The following IGSF5 variants were observed in gnomAD, a reference collection of about 807,000 sequenced individuals.
IGSF5 encodes the protein immunoglobulin superfamily member 5.
A neutral mutation model predicts 39.4 loss-of-function variants in IGSF5; 41 were observed. The ratio of observed to expected loss-of-function variants is 1.04; its 90% CI spans 0.81 to 1.35. The LOEUF (loss-of-function observed/expected upper bound fraction) is 1.35. Among genes scored for constraint, IGSF5 ranks in the 40% most tolerant of loss-of-function variants. The probability of loss-of-function intolerance (pLI) is 0.00; values close to 1 mark genes in which losing one functional copy is unlikely to be tolerated. For missense variants in IGSF5, 487 were observed against 494.6 expected, an observed-to-expected ratio of 0.98 and a Z score of 0.15; for synonymous variants, 183 against 175.3, an observed-to-expected ratio of 1.04 and a Z score of -0.34.
chr21:39,748,249 G>A (rs1398563179), intron 2 of IGSF5, among the ~76,000 whole-genome samples: 1 of 143,396 alleles, frequency 7.0e-6, no homozygotes, highest in East Asian at 2.2e-4. Flanking sequence ...CCTTTTTGCT[G>A]TGTCTTCACA....
At chr21:39,729,639 G>A in the IGSF5 span, 1 of 152,248 alleles carries the variant, frequency 6.6e-6, no homozygotes, top group African/African-American at 2.4e-5. Context: ...TACTGTGAAA[G>A]GAGGAGCATA....
intron 4 of IGSF5, 104 bp downstream of exon 4, chr21:39,771,319 G>C (rs62237180): frequency 0.26 from 285,252 of 1,077,280 alleles, 43,874 homozygotes; most frequent in Non-Finnish European, 0.31. Context: ...ATCATATGGC[G>C]ACCTTGATTT....
the IGSF5 span, among the ~76,000 whole-genome samples, chr21:39,739,469 C>T: frequency 1.3e-5 from 2 of 152,120 alleles, no homozygotes; most frequent in South Asian, 4.1e-4. Context: ...AGTGAGCTCT[C>T]CTTACTATCT....
At chr21:39,797,186 G>A (rs1054567415) in intron 8 of IGSF5, among the ~76,000 whole-genome samples, 11 of 150,748 alleles carry the variant, frequency 7.3e-5, no homozygotes, top group Admixed American at 5.3e-4. Context: ...ACTATAAGGT[G>A]TGTGCATGTG....
chr21:39,757,476 A>G (rs1403941912), intron 2 of IGSF5, among the ~76,000 whole-genome samples: 1 of 151,958 alleles, frequency 6.6e-6, no homozygotes, highest in Non-Finnish European at 1.5e-5. Context: ...AAATTTGACC[A>G]GGCACCAGAA....
chr21:39,790,256 T>A (rs1376372340), intron 6 of IGSF5, among the ~76,000 whole-genome samples: 1 of 152,242 alleles, frequency 6.6e-6, no homozygotes, highest in Non-Finnish European at 1.5e-5. Flanking sequence ...CACGTGAGTG[T>A]CAGTGGCTCA....
At chr21:39,758,701 A>T (rs1027203552) in intron 2 of IGSF5, among the ~76,000 whole-genome samples, 1 of 152,190 alleles carries the variant, frequency 6.6e-6, no homozygotes, top group African/African-American at 2.4e-5. Flanking sequence ...TGGGAAAGGC[A>T]TAGTGTATAG....
In IGSF5 at chr21:39,801,558, A is replaced by G. The variant is rs1376095595; in HGVS notation, c.*201A>G. ...AGTTCAAAGTAGAATGTGACTTTTA[A>G]GAGGTTTCATGGTTTTTGTGAATTC... On this transcript the variant is annotated 3_prime_UTR_variant, in exon 9 of 9. Transcript: ENST00000380588. The G allele has an allele frequency of 6.8e-6, 3 of 439,492 alleles. No individual in the cohort carries two copies. Among genetic ancestry groups the G allele is most frequent in the Non-Finnish European group, 8.1e-6 (2 of 247,196 alleles). The allele number at this position is 439,492 out of a possible 1,614,324, so 27.2% of individuals were successfully genotyped here.
At chr21:39,745,846 T>C (rs1036730885) in intron 1 of IGSF5, among the ~76,000 whole-genome samples, 1 of 151,976 alleles carries the variant, frequency 6.6e-6, no homozygotes, top group Non-Finnish European at 1.5e-5. Context: ...TAGGACAGTA[T>C]AGCAAGCGAA....
chr21:39,714,478 G>A, the IGSF5 span, among the ~76,000 whole-genome samples: 1 of 152,206 alleles, frequency 6.6e-6, no homozygotes, highest in Non-Finnish European at 1.5e-5. Context: ...TTGTTTACTA[G>A]GGCTGACATA....
At chr21:39,712,611 G>T in the IGSF5 span, among the ~76,000 whole-genome samples, 5 of 152,064 alleles carry the variant, frequency 3.3e-5, no homozygotes, top group African/African-American at 9.7e-5. Context: ...CCATGCTGTT[G>T]GGTCCATGCA....
intron 4 of IGSF5, among the ~76,000 whole-genome samples, chr21:39,776,308 C>T (rs2837210): frequency 0.096 from 14,525 of 152,008 alleles, 660 homozygotes; most frequent in Middle Eastern, 0.14. Flanking sequence ...CTTGCTGACT[C>T]GTACACTACA....
Position 39,765,820 on chromosome 21 carries a change from G to T in IGSF5, c.386G>T (p.Arg129Leu). Residue 129 changes from arginine to leucine, a missense_variant, in exon 3 of 9, where the codon CGC (arginine) becomes CTC (leucine). By Grantham distance (102) the Arg-to-Leu change is moderately radical. Transcript: ENST00000380588. ...GNIRCSLQNS[R>L]LHGSAYLTVQ... ...ATCAGATGCAGCCTCCAGAACAGTC[G>T]CCTGCATGGATCTGCTTACCTTACC... 1 of 1,613,700 alleles carries T rather than the reference G, an allele frequency of 6.2e-7. No individual in the cohort carries two copies. The highest frequency in any genetic ancestry group is 2.2e-5 in the East Asian group (1 of 44,830).
chr21:39,750,963 G>T (rs1430884823), intron 2 of IGSF5, among the ~76,000 whole-genome samples: 1 of 152,234 alleles, frequency 6.6e-6, no homozygotes. Context: ...GAGGGAGAGG[G>T]AGTGGAGGCC....
chr21:39,771,975 A>T (rs2080117177), intron 4 of IGSF5, among the ~76,000 whole-genome samples: 1 of 152,340 alleles, frequency 6.6e-6, no homozygotes, highest in Non-Finnish European at 1.5e-5. Flanking sequence ...TGGGCCTAGA[A>T]GCTGAGAAGA....
At chr21:39,744,262 C>T (rs1406449378), upstream of IGSF5, among the ~76,000 whole-genome samples, 2 of 152,230 alleles carry the variant, frequency 1.3e-5, no homozygotes, top group Non-Finnish European at 2.9e-5. Flanking sequence ...TAGAGCTGGG[C>T]TGGGTTCCTG....
intron 2 of IGSF5, among the ~76,000 whole-genome samples, chr21:39,750,168 G>A (rs1015668686): frequency 6.6e-6 from 1 of 152,166 alleles, no homozygotes; most frequent in Non-Finnish European, 1.5e-5. Flanking sequence ...TTGGGGTCCC[G>A]TGATTTATTT....
In IGSF5 at chr21:39,765,706, A is replaced by G; in HGVS notation, c.272A>G (p.Asp91Gly). ...CCCATGGAGCCCATCATCACCAATG[A>G]CCGCTTCACCTCTCAGAGGTACGAC... Reference protein sequence around the residue: ...VRPMEPIITNDRFTSQRYDQG... With the variant: ...VRPMEPIITNGRFTSQRYDQG... Residue 91 changes from aspartate (D) to glycine (G), a missense_variant, in exon 3 of 9, where the codon GAC (aspartate) becomes GGC (glycine). Asp to Gly is a moderately conservative substitution (Grantham distance 94). Coordinates refer to ENST00000380588, the MANE Select transcript of IGSF5 (RefSeq NM_001080444.2). 1 of 1,613,976 alleles carries G rather than the reference A, an allele frequency of 6.2e-7. No individual in the cohort carries two copies. The highest frequency in any genetic ancestry group is 8.5e-7 in the Non-Finnish European group (1 of 1,179,990).
At chr21:39,720,784 A>G in the IGSF5 span, among the ~76,000 whole-genome samples, 15 of 152,232 alleles carry the variant, frequency 9.9e-5, no homozygotes, top group Non-Finnish European at 1.5e-4. Context: ...TGTTTACCAT[A>G]CTAAGGTAAG....
Sources: allele counts gnomAD v4.1 joint callset (sites outside exome capture counted in the v4.1 genomes callset), GRCh38; gene constraint gnomAD v4.1.1; transcripts MANE v1.5; gene names NCBI Gene and HGNC (gene_info 2026-07-23, HGNC 2026-07-21).